Variants in IGF2BP1 observed in about 807,000 individuals in gnomAD.
The protein encoded by IGF2BP1 is insulin-like growth factor 2 mRNA-binding protein 1.
In IGF2BP1, 11 loss-of-function variants were observed where a neutral mutation model predicts 74.9. That is an observed-to-expected ratio of 0.15 (90% CI 0.09 to 0.24). The LOEUF (loss-of-function observed/expected upper bound fraction) is 0.24, where lower values mean the gene tolerates loss of function less well. Among genes scored for constraint, IGF2BP1 ranks in the 10% least tolerant of loss-of-function variants. The pLI is 1.00. For missense variants in IGF2BP1, 440 were observed against 757.4 expected (o/e 0.58, Z 4.92); for synonymous variants, 287 against 281.8 (o/e 1.02, Z -0.18).
intron 2 of IGF2BP1, among the ~76,000 whole-genome samples, chr17:49,014,397 A>G (rs2041665611): frequency 1.3e-5 from 2 of 149,888 alleles, no homozygotes; most frequent in Admixed American, 6.7e-5. Flanking sequence ...GGCCGTGTTC[A>G]CCGCCTAGGT....
chr17:49,037,244 G>A (rs1359278377), intron 5 of IGF2BP1: 2 of 450,658 alleles, frequency 4.4e-6, no homozygotes, highest in Non-Finnish European at 8.4e-6. Context: ...AATGTTGCAA[G>A]AACTCTGGAA....
rs371605973 is a variant in IGF2BP1 at position 48,999,923 on chromosome 17, G to GGTGTGTGTGTGTGTGTGTGTGTGTGT, written c.236+769_236+794dup. On this transcript the variant is annotated intron_variant, in intron 2 of 14. Coordinates refer to ENST00000290341, the MANE Select transcript of IGF2BP1 (RefSeq NM_006546.4). ...AGGGTCTAGAACTCCGTGGATGAAT[G>GGTGTGTGTGTGTGTGTGTGTGTGTGT]GTGTGTGTGTGTGTGTGTGTGTGTG... 7.5e-5 allele frequency among the ~76,000 whole-genome samples: 10 copies of GGTGTGTGTGTGTGTGTGTGTGTGTGT among 134,106 alleles called. No homozygotes were observed. In the East Asian group the frequency reaches 1.1e-3, roughly 15 times the overall value. 88.0% of individuals were successfully genotyped at this position (134,106 alleles called of 152,430 possible).
rs756506419 is a variant in IGF2BP1, at chr17:49,038,268, C to G, written c.502C>G (p.Arg168Gly). Reference protein sequence around the residue: ...QIAQGPENGRRGGFGSRGQPR... With the variant: ...QIAQGPENGRGGGFGSRGQPR... Reference sequence around the variant, plus strand: ...AGCACAGGGACCTGAGAATGGGCGCCGAGGGGGCTTTGGCTCTCGGGGTCA... The same window carrying G: ...AGCACAGGGACCTGAGAATGGGCGCGGAGGGGGCTTTGGCTCTCGGGGTCA... The change falls in exon 6 of 15, where the codon CGA becomes GGA. Residue 168 changes from arginine (R) to glycine (G), a missense_variant. Physicochemically the swap from Arg to Gly is moderately radical, Grantham distance 125. Coordinates refer to ENST00000290341, the MANE Select transcript of IGF2BP1 (RefSeq NM_006546.4). The G allele has an allele frequency of 3.7e-6, 6 of 1,600,448 alleles. No individual in the cohort carries two copies. The African/African-American group carries it at 8.0e-5, about 21-fold the overall frequency.
chr17:49,040,048 A>G lies in IGF2BP1; in HGVS notation c.775A>G (p.Met259Val). Reference protein sequence around the residue: ...TPEGCSSACKMILEIMHKEAK... With the variant: ...TPEGCSSACKVILEIMHKEAK... The stretch of plus-strand genomic sequence containing the variant: ...TGAGGGCTGCTCCTCCGCTTGTAAG[A>G]TGATCTTGGAGATTATGCATAAAGA... The change falls in exon 7 of 15, where the codon ATG becomes GTG. Residue 259 changes from methionine to valine, a missense_variant. This residue lies in a region of IGF2BP1 where 184 missense variants were observed against 273.4 expected (regional missense o/e 0.67). Transcript: ENST00000290341. 8 of 1,614,106 alleles carry G rather than the reference A, an allele frequency of 5.0e-6. No homozygotes were observed. The highest frequency in any genetic ancestry group is 6.8e-6 in the Non-Finnish European group (8 of 1,180,020).
chr17:49,019,942 A>ATATATATATATT (rs2041764899), intron 2 of IGF2BP1, among the ~76,000 whole-genome samples: 3 of 55,212 alleles, frequency 5.4e-5, no homozygotes, highest in Admixed American at 2.1e-4. Context: ...ATATATATAT[A>ATATATATATATT]TATATATTTA....
Position 49,035,739 on chromosome 17 carries a change from C to A in IGF2BP1, c.402-2429C>A, listed in dbSNP as rs540277140. Among the ~76,000 whole-genome samples, 183 of 152,348 alleles carry A rather than the reference C, an allele frequency of 1.2e-3. 1 individual carries two copies. Among genetic ancestry groups the A allele is most frequent in the Middle Eastern group, 3.4e-3 (1 of 294 alleles). ...CCGGGCTGCTCGCCTTCTAGAAGTT[C>A]CTGCAGGAAGCTGGTGATGTGGCCT... On this transcript the variant is annotated intron_variant, in intron 5 of 14. Transcript: ENST00000290341.
intron 10 of IGF2BP1, 60 bp from the exon 11 acceptor site, chr17:49,043,907 G>T: frequency 6.3e-7 from 1 of 1,593,212 alleles, no homozygotes; most frequent in African/African-American, 1.3e-5. Context: ...GCAGGGGAGT[G>T]GAGGGTTTCT....
chr17:49,054,598 T>G lies in IGF2BP1; in HGVS notation c.*5154T>G, dbSNP rs1346048969. 1 of 152,372 alleles carries G rather than the reference T, an allele frequency of 6.6e-6. No homozygotes were observed. The highest frequency in any genetic ancestry group is 2.4e-5 in the African/African-American group (1 of 41,440). 9.4% of individuals were successfully genotyped at this position (152,372 alleles called of 1,614,324 possible). A position where few individuals can be genotyped will look rare whatever the true frequency, so the allele number is the denominator to read the frequency against. On this transcript the variant is annotated 3_prime_UTR_variant, in exon 15 of 15. Coordinates refer to ENST00000290341, the MANE Select transcript of IGF2BP1 (RefSeq NM_006546.4). ...TGTCACCCCTTTGGCCTCCAGCTTG[T>G]CCCTCTCTCACTTTCTATAGCTTTG...
chr17:49,034,176 C>T (rs1383482559), intron 5 of IGF2BP1, among the ~76,000 whole-genome samples: 2 of 139,806 alleles, frequency 1.4e-5, no homozygotes, highest in Admixed American at 7.8e-5. Flanking sequence ...GTGGTGCGAT[C>T]TCTCTTCACT....
chr17:49,032,057 AG>A (rs1176301089), intron 5 of IGF2BP1, 84 bp downstream of exon 5: 8 of 1,216,942 alleles, frequency 6.6e-6, no homozygotes, highest in Admixed American at 1.8e-5. Context: ...CTTTTTCCTC[AG>A]GGGGGTCTAG....
At position 49,002,213 on chromosome 17, in the gene IGF2BP1, C is replaced by A. The variant is rs766963701; in HGVS notation, c.236+3044C>A. 3.5e-4 allele frequency among the ~76,000 whole-genome samples: 54 copies of A among 152,140 alleles called. 1 individual carries two copies. The highest frequency in any genetic ancestry group is 5.2e-4 in the Admixed American group (8 of 15,284). ...AACAAAATTAGTTTTATAAATCGTTCATAAAATTGAGAACTCCCAAAAGAA... is the reference window on the plus strand; with the variant it reads ...AACAAAATTAGTTTTATAAATCGTTAATAAAATTGAGAACTCCCAAAAGAA... On this transcript the variant is annotated intron_variant, in intron 2 of 14. Transcript: ENST00000290341.
intron 5 of IGF2BP1, among the ~76,000 whole-genome samples, chr17:49,035,846 C>G (rs1274667299): frequency 6.6e-6 from 1 of 152,180 alleles, no homozygotes; most frequent in African/African-American, 2.4e-5. Flanking sequence ...AGCTTGGTGG[C>G]AGGCGATAGG....
chr17:49,004,336 C>G (rs1308314179), intron 2 of IGF2BP1, among the ~76,000 whole-genome samples: 1 of 149,918 alleles, frequency 6.7e-6, no homozygotes, highest in Non-Finnish European at 1.5e-5. Context: ...CAGACCCTTT[C>G]CAGCACCTGG....
rs2042204632 is a variant in IGF2BP1, at chr17:49,054,634, T to C, written c.*5190T>C. ...CTTTCTATAGCTTTGTTGGACCAGA[T>C]GGTGAGGAAAGGAATGGCCTCTTCC... is the stretch of plus-strand genomic sequence containing the variant. On this transcript the variant is annotated 3_prime_UTR_variant, in exon 15 of 15. Coordinates refer to ENST00000290341, the MANE Select transcript of IGF2BP1 (RefSeq NM_006546.4). The C allele has an allele frequency of 6.6e-6, 1 of 152,264 alleles. No individual in the cohort carries two copies. Among genetic ancestry groups the C allele is most frequent in the Admixed American group, 6.5e-5 (1 of 15,278 alleles). The allele number at this position is 152,264 out of a possible 1,614,324, so 9.4% of individuals were successfully genotyped here. A position where few individuals can be genotyped will look rare whatever the true frequency, so the allele number is the denominator to read the frequency against.
intron 5 of IGF2BP1, among the ~76,000 whole-genome samples, chr17:49,033,000 A>T (rs2041943057): frequency 6.6e-6 from 1 of 152,050 alleles, no homozygotes; most frequent in Admixed American, 6.6e-5. Context: ...ATTTTTTTGT[A>T]GAGACGAGGT....
intron 1 of IGF2BP1, among the ~76,000 whole-genome samples, chr17:48,998,355 G>GT (rs1490037181): frequency 6.6e-6 from 1 of 152,226 alleles, no homozygotes; most frequent in African/African-American, 2.4e-5. Context: ...CTTTCCAGGC[G>GT]TGGAAGGGGT....
chr17:49,040,134 C>T (rs1022140734), intron 7 of IGF2BP1, 43 bp downstream of exon 7: 2 of 1,605,504 alleles, frequency 1.2e-6, no homozygotes, highest in African/African-American at 2.7e-5. Context: ...TCTGCTAGTC[C>T]AGTTGAGCCT....
intron 1 of IGF2BP1, among the ~76,000 whole-genome samples, chr17:48,998,875 GC>G (rs2143900648): frequency 6.6e-6 from 1 of 152,160 alleles, no homozygotes; most frequent in African/African-American, 2.4e-5. Context: ...CACTCAACAA[GC>G]CTCAGTGATT....
Position 49,041,424 on chromosome 17 carries a change from G to C in IGF2BP1, c.865G>C (p.Gly289Arg), listed in dbSNP as rs1443058441. 6.2e-7 allele frequency: 1 copy of C among 1,613,884 alleles called. No homozygotes were observed. The highest frequency in any genetic ancestry group is 8.5e-7 in the Non-Finnish European group (1 of 1,179,996). ...LKILAHNNFVGRLIGKEGRNL... is the reference protein window; with the variant it reads ...LKILAHNNFVRRLIGKEGRNL... ...GATCCTGGCCCATAATAACTTTGTA[G>C]GGCGTCTCATTGGCAAGGAAGGACG... The change falls in exon 8 of 15, where the codon GGG (glycine) becomes CGG (arginine). Residue 289 changes from glycine to arginine, a missense_variant. By Grantham distance (125) the Gly-to-Arg change is moderately radical (BLOSUM62 -2). Coordinates refer to ENST00000290341, the MANE Select transcript of IGF2BP1 (RefSeq NM_006546.4).
Sources: allele counts gnomAD v4.1 joint callset (sites outside exome capture counted in the v4.1 genomes callset), GRCh38; gene constraint gnomAD v4.1.1; regional missense constraint gnomAD v4.1.1; transcripts MANE v1.5; gene names NCBI Gene and HGNC (gene_info 2026-07-23, HGNC 2026-07-21).